Variants in SHISA9 observed in about 807,000 individuals in gnomAD.
SHISA9 encodes shisa family member 9, also known as protein shisa-9.
SHISA9 carries 13 observed loss-of-function variants against 38.0 expected under a neutral mutation model. The ratio of observed to expected loss-of-function variants is 0.34; its 90% confidence interval spans 0.22 to 0.54. The LOEUF is 0.54. Ranked by LOEUF, SHISA9 falls within the 20% of genes least tolerant of loss-of-function variation. The pLI is 0.91. For missense variants in SHISA9, 538 were observed against 575.8 expected (o/e 0.93, Z 0.67); for synonymous variants, 275 against 242.0 (o/e 1.14, Z -1.27).
the SHISA9 span, among the ~76,000 whole-genome samples, chr16:13,297,874 A>C: frequency 6.6e-6 from 1 of 152,122 alleles, no homozygotes; most frequent in Admixed American, 6.6e-5. Context: ...CTCCTGCTTC[A>C]GCCTCTTGAG....
At chr16:13,248,889 GA>G in the SHISA9 span, among the ~76,000 whole-genome samples, 1 of 152,316 alleles carries the variant, frequency 6.6e-6, no homozygotes, top group Non-Finnish European at 1.5e-5. Flanking sequence ...CAACGCCACA[GA>G]GAGGGTAGAC....
chr16:13,520,016 C>G, the SHISA9 span, among the ~76,000 whole-genome samples: 13 of 152,124 alleles, frequency 8.5e-5, no homozygotes, highest in Admixed American at 8.5e-4. Context: ...GTCCATGGCA[C>G]CTATCCAGAT....
intron 2 of SHISA9, among the ~76,000 whole-genome samples, chr16:13,188,716 C>CAAA (rs35558481): frequency 7.1e-4 from 56 of 79,212 alleles, no homozygotes; most frequent in African/African-American, 9.4e-4. Context: ...GACCCTGTTT[C>CAAA]AAAAAAAAAA....
intron 2 of SHISA9, among the ~76,000 whole-genome samples, chr16:13,102,325 T>A (rs527475751): frequency 2.6e-5 from 4 of 152,334 alleles, no homozygotes; most frequent in Non-Finnish European, 4.4e-5. Context: ...AGCCTTCAGA[T>A]GAAATTACAA....
At chr16:13,543,574 C>T in the SHISA9 span, among the ~76,000 whole-genome samples, 11 of 152,224 alleles carry the variant, frequency 7.2e-5, no homozygotes, top group Non-Finnish European at 1.3e-4. Flanking sequence ...ATTTTGTTAC[C>T]TCCCAGGGCC....
At chr16:12,963,296 T>G (rs1334957898) in intron 2 of SHISA9, among the ~76,000 whole-genome samples, 1 of 152,188 alleles carries the variant, frequency 6.6e-6, no homozygotes, top group African/African-American at 2.4e-5. Context: ...TGGAAGGAGA[T>G]GTAAACAAGG....
chr16:13,069,340 A>T (rs2073480504), intron 2 of SHISA9, among the ~76,000 whole-genome samples: 1 of 150,642 alleles, frequency 6.6e-6, no homozygotes, highest in Non-Finnish European at 1.5e-5. Flanking sequence ...ACGCATGCAT[A>T]TGTGTGTATG....
At chr16:13,083,819 C>T (rs1037038293) in intron 2 of SHISA9, among the ~76,000 whole-genome samples, 1 of 152,126 alleles carries the variant, frequency 6.6e-6, no homozygotes, top group African/African-American at 2.4e-5. Context: ...GAGCCATTAG[C>T]AATCATCATT....
At chr16:13,521,878 T>A in the SHISA9 span, among the ~76,000 whole-genome samples, 1 of 152,210 alleles carries the variant, frequency 6.6e-6, no homozygotes, top group Non-Finnish European at 1.5e-5. Context: ...GAAGTCACCA[T>A]CCATCAGTGC....
At chr16:13,226,181 C>G (rs967461231) in intron 4 of SHISA9, among the ~76,000 whole-genome samples, 7 of 152,176 alleles carry the variant, frequency 4.6e-5, no homozygotes, top group African/African-American at 1.4e-4. Flanking sequence ...TCACCTGGCT[C>G]CAAACCAGAG....
chr16:13,546,905 C>T, the SHISA9 span, among the ~76,000 whole-genome samples: 2 of 152,272 alleles, frequency 1.3e-5, no homozygotes, highest in African/African-American at 4.8e-5. Context: ...TCATCTGGCT[C>T]CTGTGTCTGG....
rs559326196 is a variant in SHISA9, at chr16:13,085,526, GA to G, written c.692-117863del. 2.4e-3 allele frequency among the ~76,000 whole-genome samples: 362 copies of G among 152,350 alleles called. 1 individual carries two copies. The highest frequency in any genetic ancestry group is 7.9e-3 in the African/African-American group (330 of 41,586). The stretch of plus-strand genomic sequence containing the variant: ...ACTTCGCCTGTTTTATGAAGGGCTA[GA>G]AAAACTCTGTTGACATATCCAAAGA... On this transcript the variant is annotated intron_variant, in intron 2 of 4. Transcript: ENST00000558583.
the SHISA9 span, chr16:13,258,365 T>A: frequency 1.3e-5 from 2 of 152,168 alleles, no homozygotes; most frequent in Non-Finnish European, 2.9e-5. Flanking sequence ...AAAATAGTAA[T>A]GAAAATGGAA....
chr16:13,102,538 G>A (rs1162707047), intron 2 of SHISA9, among the ~76,000 whole-genome samples: 2 of 152,170 alleles, frequency 1.3e-5, no homozygotes, highest in African/African-American at 4.8e-5. Flanking sequence ...TGTCCCATCT[G>A]ATGTCCTAAT....
chr16:13,363,480 G>T, the SHISA9 span, among the ~76,000 whole-genome samples: 2 of 152,192 alleles, frequency 1.3e-5, no homozygotes, highest in Non-Finnish European at 2.9e-5. Context: ...TGGAGAGGAT[G>T]GTATTAGGAT....
chr16:13,051,094 GTA>G lies in SHISA9; in HGVS notation c.691+134280_691+134281del, dbSNP rs539348293. On this transcript the variant is annotated intron_variant, in intron 2 of 4. Transcript: ENST00000558583. ...TTGCATAATGCATCCTACTGAGTAC[GTA>G]CTTGTATTAGTCTGTTCTCACACTG... Among the ~76,000 whole-genome samples, 394 of 152,258 alleles carry G rather than the reference GTA, an allele frequency of 2.6e-3. 3 individuals carry two copies. The highest frequency in any genetic ancestry group is 8.8e-3 in the African/African-American group (367 of 41,540).
At chr16:13,129,805 A>G (rs778597281) in intron 2 of SHISA9, among the ~76,000 whole-genome samples, 4 of 151,892 alleles carry the variant, frequency 2.6e-5, no homozygotes, top group African/African-American at 7.3e-5. Context: ...CCTTTCTCCT[A>G]TTTACCATCT....
chr16:13,304,154 C>T, the SHISA9 span, among the ~76,000 whole-genome samples: 2 of 152,202 alleles, frequency 1.3e-5, no homozygotes, highest in Non-Finnish European at 2.9e-5. Flanking sequence ...TTGTGCTTCC[C>T]ATTTGTGCAA....
At chr16:13,035,000 A>T (rs1463179697) in intron 2 of SHISA9, among the ~76,000 whole-genome samples, 2 of 152,214 alleles carry the variant, frequency 1.3e-5, no homozygotes, top group Non-Finnish European at 2.9e-5. Context: ...TGCTTTTTTT[A>T]AAAGAAAAAA....
Sources: allele counts gnomAD v4.1 joint callset (sites outside exome capture counted in the v4.1 genomes callset), GRCh38; gene constraint gnomAD v4.1.1; transcripts MANE v1.5; gene names NCBI Gene and HGNC (gene_info 2026-07-23, HGNC 2026-07-21).